The following MALRD1 variants were observed in gnomAD, a reference collection of about 807,000 sequenced individuals.
MALRD1 encodes MAM and LDL receptor class A domain containing 1.
Under a neutral mutation model 242.1 loss-of-function variants are expected in MALRD1, and 247 were observed. That is an observed-to-expected ratio of 1.02 (90% CI 0.92 to 1.13). MALRD1 has a LOEUF of 1.13. Ranked by LOEUF, MALRD1 falls within the 50% of genes most tolerant of loss-of-function variation. The pLI is 0.00. For missense variants in MALRD1, 2,989 were observed against 2,533.1 expected, an observed-to-expected ratio of 1.18 and a Z score of -3.86; for synonymous variants, 995 against 866.6, an observed-to-expected ratio of 1.15 and a Z score of -2.60.
At chr10:19,354,141 T>C (rs1246678470) in intron 26 of MALRD1, among the ~76,000 whole-genome samples, 2 of 152,130 alleles carry the variant, frequency 1.3e-5, no homozygotes, top group African/African-American at 4.8e-5. Flanking sequence ...ACTTTAAACT[T>C]GTAAAATCTT....
At chr10:19,463,130 T>C (rs1435979037) in intron 29 of MALRD1, among the ~76,000 whole-genome samples, 1 of 152,142 alleles carries the variant, frequency 6.6e-6, no homozygotes, top group African/African-American at 2.4e-5. Context: ...CCACAATTTC[T>C]TATAAGGTAA....
At chr10:19,625,006 A>G (rs915380149) in intron 36 of MALRD1, among the ~76,000 whole-genome samples, 1 of 151,752 alleles carries the variant, frequency 6.6e-6, no homozygotes, top group African/African-American at 2.4e-5. Flanking sequence ...GTAGTGAGCT[A>G]TGATCGCAAT....
chr10:19,134,060 G>A (rs944594458), intron 9 of MALRD1, 112 bp downstream of exon 9: 17 of 429,050 alleles, frequency 4.0e-5, no homozygotes, highest in African/African-American at 8.2e-5. Context: ...TTAGGGATGC[G>A]TGCTTGTATA....
intron 28 of MALRD1, among the ~76,000 whole-genome samples, chr10:19,412,957 A>T (rs1833336960): frequency 6.6e-6 from 1 of 152,118 alleles, no homozygotes; most frequent in Non-Finnish European, 1.5e-5. Context: ...AGAAAGAAAG[A>T]AAATTATTCC....
chr10:19,249,645 C>A (rs1839217721), intron 18 of MALRD1, among the ~76,000 whole-genome samples: 1 of 151,864 alleles, frequency 6.6e-6, no homozygotes, highest in Non-Finnish European at 1.5e-5. Flanking sequence ...ACATTAAATG[C>A]ACAAATACTT....
chr10:19,689,149 G>A (rs547022552), intron 36 of MALRD1, among the ~76,000 whole-genome samples: 45 of 152,256 alleles, frequency 3.0e-4, no homozygotes, highest in African/African-American at 9.9e-4. Flanking sequence ...ATGATACATC[G>A]CTGAGAGAAA....
At position 19,696,673 on chromosome 10, in the gene MALRD1, A is replaced by G. The variant is rs1431770444; in HGVS notation, c.6314+4119A>G. ...TGTAATCCCAGCACTTTGGGAGGCC[A>G]AGATGGGCAGATCACTTGAGGTCAG... On this transcript the variant is annotated intron_variant, in intron 38 of 39. Transcript: ENST00000454679. 2.0e-5 allele frequency among the ~76,000 whole-genome samples: 3 copies of G among 152,028 alleles called. No individual in the cohort carries two copies. In the East Asian group the frequency reaches 5.8e-4, roughly 29 times the overall value.
intron 28 of MALRD1, among the ~76,000 whole-genome samples, chr10:19,440,544 C>T (rs553043199): frequency 6.6e-6 from 1 of 152,172 alleles, no homozygotes; most frequent in East Asian, 1.9e-4. Flanking sequence ...CACCCTGTGT[C>T]CAAGTGTTCT....
intron 18 of MALRD1, among the ~76,000 whole-genome samples, chr10:19,256,206 C>T (rs1257488526): frequency 6.6e-6 from 1 of 151,934 alleles, no homozygotes; most frequent in Non-Finnish European, 1.5e-5. Context: ...TTAGCATGTT[C>T]TGTGTTTTAT....
intron 33 of MALRD1, among the ~76,000 whole-genome samples, chr10:19,594,104 A>G (rs1275044729): frequency 6.6e-6 from 1 of 152,210 alleles, no homozygotes; most frequent in Admixed American, 6.5e-5. Flanking sequence ...ATGATATCTG[A>G]TATTGTAACA....
intron 36 of MALRD1, among the ~76,000 whole-genome samples, chr10:19,624,153 T>G (rs1291843376): frequency 7.3e-6 from 1 of 136,438 alleles, no homozygotes. Flanking sequence ...AACAATTCCA[T>G]TTATAGAATT....
chr10:19,456,694 A>C lies in MALRD1; in HGVS notation c.5029+6204A>C, dbSNP rs78217973. ...TAAATGTCAGACAAGAAAAAGAAGA[A>C]GGCAATGAGTAGAAAAGTAATGCAC... On this transcript the variant is annotated intron_variant, in intron 29 of 39. Coordinates refer to ENST00000454679, the MANE Select transcript of MALRD1 (RefSeq NM_001142308.3). Among the ~76,000 whole-genome samples the C allele has an allele frequency of 5.9e-3, 902 of 152,318 alleles. 13 individuals are homozygous for C. The highest frequency in any genetic ancestry group is 0.024 in the Admixed American group (364 of 15,286).
intron 33 of MALRD1, among the ~76,000 whole-genome samples, chr10:19,583,901 C>A (rs895530587): frequency 3.3e-5 from 5 of 152,034 alleles, no homozygotes; most frequent in Non-Finnish European, 7.4e-5. Context: ...ACAATTTCAG[C>A]TCCTGTTATT....
chr10:19,053,754 A>G (rs1399269556), intron 1 of MALRD1, among the ~76,000 whole-genome samples: 1 of 152,026 alleles, frequency 6.6e-6, no homozygotes, highest in Non-Finnish European at 1.5e-5. Context: ...AGTATTCCAC[A>G]CGCAGTCTTT....
rs1412143453 is a variant in MALRD1 at position 19,567,694 on chromosome 10, G to A, written c.5671G>A (p.Val1891Met). ...TGACATCTCTTTTACCCCAGAGTGT[G>A]TGACTGGAGGTAAGTGATTCTTTCA... is the stretch of plus-strand genomic sequence containing the variant. ...LDDISFTPEC[V>M]TGGPVPVQPS... Residue 1891 changes from valine (V) to methionine (M), a missense_variant, in exon 33 of 40, where the codon GTG becomes ATG. Val to Met is a conservative substitution (Grantham distance 21). Transcript: ENST00000454679. 1.9e-6 allele frequency: 3 copies of A among 1,550,040 alleles called. No individual in the cohort carries two copies. Among genetic ancestry groups the A allele is most frequent in the Admixed American group, 3.9e-5 (2 of 50,972 alleles).
chr10:19,650,929 T>A (rs1255265890), intron 36 of MALRD1, among the ~76,000 whole-genome samples: 2 of 151,904 alleles, frequency 1.3e-5, no homozygotes, highest in Non-Finnish European at 2.9e-5. Context: ...AGCAGGAGAG[T>A]GTACTGCAAA....
rs1292574890 is a variant in MALRD1 at position 19,270,330 on chromosome 10, TCTCTCTCACACA to T, written c.3080-9715_3080-9704del. On this transcript the variant is annotated intron_variant, in intron 19 of 39. Coordinates refer to ENST00000454679, the MANE Select transcript of MALRD1 (RefSeq NM_001142308.3). ...TGTCTCTCTCTCTTCTCTCTCTCTC[TCTCTCTCACACA>T]CACACACACACACACACACACACAC... 6.5e-3 allele frequency among the ~76,000 whole-genome samples: 694 copies of T among 107,016 alleles called. 3 individuals carry two copies. The highest frequency in any genetic ancestry group is 0.034 in the South Asian group (98 of 2,880). 70.2% of individuals were successfully genotyped at this position (107,016 alleles called of 152,430 possible).
At chr10:19,700,878 G>C (rs1473415187) in intron 38 of MALRD1, among the ~76,000 whole-genome samples, 1 of 152,140 alleles carries the variant, frequency 6.6e-6, no homozygotes, top group Admixed American at 6.5e-5. Flanking sequence ...ATTCCCTCAG[G>C]CTGGGTGCAG....
At chr10:19,054,695 T>C (rs1458320864) in intron 1 of MALRD1, among the ~76,000 whole-genome samples, 1 of 152,188 alleles carries the variant, frequency 6.6e-6, no homozygotes, top group Non-Finnish European at 1.5e-5. Flanking sequence ...CTTAGCATAA[T>C]GTCCTTCAGG....
Sources: allele counts gnomAD v4.1 joint callset (sites outside exome capture counted in the v4.1 genomes callset), GRCh38; gene constraint gnomAD v4.1.1; transcripts MANE v1.5; gene names NCBI Gene and HGNC (gene_info 2026-07-23, HGNC 2026-07-21).